Variants in LRRC4C observed in about 807,000 individuals in gnomAD.
LRRC4C encodes the protein leucine-rich repeat-containing protein 4C.
LRRC4C carries 5 observed loss-of-function variants against 33.6 expected under a neutral mutation model. That is an observed-to-expected ratio of 0.15 (90% CI 0.08 to 0.31). The LOEUF is 0.31. Among genes scored for constraint, LRRC4C ranks in the 10% least tolerant of loss-of-function variants. The pLI, the probability that LRRC4C is intolerant of heterozygous loss-of-function variation, is 1.00. For missense variants in LRRC4C, 560 were observed against 796.7 expected, an observed-to-expected ratio of 0.70 and a Z score of 3.58; for synonymous variants, 329 against 302.0, an observed-to-expected ratio of 1.09 and a Z score of -0.93.
chr11:41,365,846 A>C (rs1277469087), intron 1 of LRRC4C, among the ~76,000 whole-genome samples: 1 of 152,194 alleles, frequency 6.6e-6, no homozygotes, highest in Non-Finnish European at 1.5e-5. Context: ...TCTTGGACTC[A>C]AGAACAAGGC....
chr11:40,340,465 G>A (rs1280167198), intron 3 of LRRC4C, among the ~76,000 whole-genome samples: 1 of 152,140 alleles, frequency 6.6e-6, no homozygotes, highest in Non-Finnish European at 1.5e-5. Context: ...TGGGACTGAG[G>A]AATGTATGTG....
chr11:41,035,430 A>G (rs1338361843), intron 1 of LRRC4C, among the ~76,000 whole-genome samples: 2 of 151,910 alleles, frequency 1.3e-5, no homozygotes, highest in Admixed American at 6.6e-5. Context: ...CCTCTCTGTG[A>G]CCATGTGTTC....
intron 2 of LRRC4C, among the ~76,000 whole-genome samples, chr11:40,786,380 T>A (rs1565060613): frequency 6.6e-6 from 1 of 152,172 alleles, no homozygotes; most frequent in Non-Finnish European, 1.5e-5. Flanking sequence ...TCTGCCATCA[T>A]CACAAGAAGA....
intron 2 of LRRC4C, among the ~76,000 whole-genome samples, chr11:40,709,022 C>A (rs1482883385): frequency 6.6e-6 from 1 of 152,094 alleles, no homozygotes; most frequent in East Asian, 1.9e-4. Context: ...ACTAGGATTG[C>A]AACCTCTGCT....
At chr11:40,342,188 T>G (rs2137017230) in intron 3 of LRRC4C, among the ~76,000 whole-genome samples, 1 of 152,224 alleles carries the variant, frequency 6.6e-6, no homozygotes, top group Non-Finnish European at 1.5e-5. Flanking sequence ...AAAGTAAAGG[T>G]GGACAGGTGC....
At chr11:40,731,314 G>A (rs993273502) in intron 2 of LRRC4C, among the ~76,000 whole-genome samples, 4 of 142,778 alleles carry the variant, frequency 2.8e-5, no homozygotes, top group Non-Finnish European at 4.6e-5. Context: ...GCCAGACTCC[G>A]TCTCAAAATA....
Position 40,633,325 on chromosome 11 carries a change from T to TTCTCTTTCTTTCTTTCTTTCTTTCTTTC in LRRC4C, c.-270+14816_-270+14817insGAAAGAAAGAAAGAAAGAAAGAAAGAGA, listed in dbSNP as rs772299978. Among the ~76,000 whole-genome samples, 17 of 112,286 alleles carry TTCTCTTTCTTTCTTTCTTTCTTTCTTTC rather than the reference T, an allele frequency of 1.5e-4. 1 individual carries two copies. The highest frequency in any genetic ancestry group is 6.3e-4 in the Admixed American group (6 of 9,518). The allele number at this position is 112,286 out of a possible 152,430, so 73.7% of individuals were successfully genotyped here. A position where few individuals can be genotyped will look rare whatever the true frequency, so the allele number is the denominator to read the frequency against. On this transcript the variant is annotated intron_variant, in intron 3 of 6. Coordinates refer to ENST00000528697, the MANE Select transcript of LRRC4C (RefSeq NM_001258419.2). ...AAATCTTAGCTCAGCCAAGTTTTCT[T>TTCTCTTTCTTTCTTTCTTTCTTTCTTTC]TTTCTTTCTTTCTTTCTTTCTTTCT...
intron 1 of LRRC4C, among the ~76,000 whole-genome samples, chr11:41,108,420 T>C (rs1941639843): frequency 6.6e-6 from 1 of 152,136 alleles, no homozygotes; most frequent in South Asian, 2.1e-4. Context: ...TGATTATAAT[T>C]CAAATTCTGT....
chr11:41,126,097 C>A (rs527343892), intron 1 of LRRC4C, among the ~76,000 whole-genome samples: 1 of 151,754 alleles, frequency 6.6e-6, no homozygotes, highest in East Asian at 1.9e-4. Flanking sequence ...GGCTTAATAC[C>A]CAGGTGATGG....
At chr11:40,743,201 C>T (rs1948246476) in intron 2 of LRRC4C, among the ~76,000 whole-genome samples, 1 of 152,020 alleles carries the variant, frequency 6.6e-6, no homozygotes, top group African/African-American at 2.4e-5. Flanking sequence ...AAAATGATAT[C>T]AACAGTGAAA....
At chr11:40,719,190 G>T in intron 2 of LRRC4C, among the ~76,000 whole-genome samples, 1 of 152,180 alleles carries the variant, frequency 6.6e-6, no homozygotes, top group East Asian at 1.9e-4. Flanking sequence ...GCTGAAATGT[G>T]TACAATACCT....
rs548671619 is a variant in LRRC4C at position 40,910,927 on chromosome 11, G to A, written c.-407+22708C>T. ...CCATGCCTGGCTTGGAGGGTCCTAC[G>A]CCCATGGAGCCTCACTCATTGCTAG... On this transcript the variant is annotated intron_variant, in intron 2 of 6. Coordinates refer to ENST00000528697, the MANE Select transcript of LRRC4C (RefSeq NM_001258419.2). Among the ~76,000 whole-genome samples, 24 of 152,330 alleles carry A rather than the reference G, an allele frequency of 1.6e-4. No individual in the cohort carries two copies. In the South Asian group the frequency reaches 3.7e-3, roughly 24 times the overall value.
chr11:40,159,717 C>A (rs1054990516), intron 5 of LRRC4C, among the ~76,000 whole-genome samples: 1 of 152,272 alleles, frequency 6.6e-6, no homozygotes, highest in Middle Eastern at 3.4e-3. Context: ...CATCTTTCTT[C>A]ACAAATTTCC....
chr11:41,002,556 C>G lies in LRRC4C; in HGVS notation c.-495-68833G>C, dbSNP rs147859135. Among the ~76,000 whole-genome samples the G allele has an allele frequency of 2.2e-4, 33 of 152,280 alleles. No homozygotes were observed. The East Asian group carries it at 6.4e-3, about 29-fold the overall frequency. On this transcript the variant is annotated intron_variant, in intron 1 of 6. Transcript: ENST00000528697. ...CAACTTTATCAAGAGCTTCTCATTA[C>G]ATGGTAGGTAGTGAGAAAGAGCTAA...
At chr11:40,904,982 A>C (rs1453307624) in intron 2 of LRRC4C, among the ~76,000 whole-genome samples, 2 of 152,152 alleles carry the variant, frequency 1.3e-5, no homozygotes, top group African/African-American at 4.8e-5. Context: ...CAAGCAAGCT[A>C]AGCACATTTG....
chr11:40,968,559 T>C (rs774150991), intron 1 of LRRC4C, among the ~76,000 whole-genome samples: 70 of 152,234 alleles, frequency 4.6e-4, no homozygotes, highest in Non-Finnish European at 8.1e-4. Context: ...GACTCTCCTA[T>C]TAGGGGCCAA....
At chr11:40,192,521 G>A (rs1590667404) in intron 5 of LRRC4C, among the ~76,000 whole-genome samples, 1 of 152,228 alleles carries the variant, frequency 6.6e-6, no homozygotes, top group Non-Finnish European at 1.5e-5. Context: ...CACAAAACTG[G>A]GTGGCCATTT....
intron 1 of LRRC4C, among the ~76,000 whole-genome samples, chr11:41,228,506 C>T (rs933930846): frequency 2.0e-5 from 3 of 152,114 alleles, no homozygotes; most frequent in Admixed American, 6.6e-5. Flanking sequence ...CCTTTGATTG[C>T]AATAGATATC....
intron 1 of LRRC4C, among the ~76,000 whole-genome samples, chr11:41,362,602 C>A (rs551886783): frequency 6.6e-5 from 10 of 152,208 alleles, no homozygotes; most frequent in African/African-American, 2.2e-4. Context: ...TTTTCTGTTA[C>A]CTCTGTAACA....
Sources: allele counts gnomAD v4.1 joint callset (sites outside exome capture counted in the v4.1 genomes callset), GRCh38; gene constraint gnomAD v4.1.1; transcripts MANE v1.5; gene names NCBI Gene and HGNC (gene_info 2026-07-23, HGNC 2026-07-21).